Variants in BCL11A observed in about 807,000 individuals in gnomAD.
BCL11A encodes the protein B cell CLL/lymphoma 11A.
Under a neutral mutation model 55.9 loss-of-function variants are expected in BCL11A, and 2 were observed. That is an observed-to-expected ratio of 0.04 (90% confidence interval 0.01 to 0.11). The LOEUF (loss-of-function observed/expected upper bound fraction) is 0.11, where lower values mean the gene tolerates loss of function less well. Ranked by LOEUF, BCL11A falls within the 10% of genes least tolerant of loss-of-function variation. The pLI is 1.00. For synonymous variants in BCL11A, 465 were observed against 473.4 expected (o/e 0.98, Z 0.23); for missense variants, 817 against 1,137.1 (o/e 0.72, Z 4.05).
chr2:60,494,911 G>C lies in BCL11A; in HGVS notation c.386-26078C>G, dbSNP rs1477529026. On this transcript the variant is annotated intron_variant, in intron 2 of 3. Coordinates refer to ENST00000642384, the MANE Select transcript of BCL11A (RefSeq NM_022893.4). ...AAAAAGGAAAAGAATATGACGTCAG[G>C]GGGAGGCAAGTCAGTTGGGAACACA... Among the ~76,000 whole-genome samples, 3 of 152,112 alleles carry C rather than the reference G, an allele frequency of 2.0e-5. No homozygotes were observed. In the South Asian group the frequency reaches 6.2e-4, roughly 32 times the overall value.
At chr2:60,512,125 A>C (rs1680021372) in intron 2 of BCL11A, among the ~76,000 whole-genome samples, 1 of 152,250 alleles carries the variant, frequency 6.6e-6, no homozygotes, top group Non-Finnish European at 1.5e-5. Flanking sequence ...GCTAAGGAGC[A>C]CTGGAGCTGG....
At chr2:60,551,959 A>G (rs952101762) in intron 1 of BCL11A, among the ~76,000 whole-genome samples, 1 of 152,068 alleles carries the variant, frequency 6.6e-6, no homozygotes, top group Non-Finnish European at 1.5e-5. Flanking sequence ...CAGACACGAG[A>G]TTTTTCCCAA....
chr2:60,541,188 G>A (rs1296897698), intron 2 of BCL11A, among the ~76,000 whole-genome samples: 1 of 151,648 alleles, frequency 6.6e-6, no homozygotes, highest in Non-Finnish European at 1.5e-5. Flanking sequence ...CACACAGGAT[G>A]ATCTTCATAT....
intron 2 of BCL11A, among the ~76,000 whole-genome samples, chr2:60,504,188 A>G (rs1679444884): frequency 6.6e-6 from 1 of 152,214 alleles, no homozygotes; most frequent in Non-Finnish European, 1.5e-5. Flanking sequence ...GCCGGGCACA[A>G]GAGAGCAGGC....
intron 2 of BCL11A, among the ~76,000 whole-genome samples, chr2:60,488,689 T>C (rs1460941456): frequency 6.6e-6 from 1 of 152,230 alleles, no homozygotes; most frequent in Non-Finnish European, 1.5e-5. Context: ...TCAGTATCAA[T>C]AGCCAAAGAT....
chr2:60,505,770 T>C (rs1385188186), intron 2 of BCL11A, among the ~76,000 whole-genome samples: 1 of 152,236 alleles, frequency 6.6e-6, no homozygotes, highest in African/African-American at 2.4e-5. Flanking sequence ...GGGTCTATCA[T>C]TTTAGAATAA....
chr2:60,524,015 CA>C (rs139422069), intron 2 of BCL11A, among the ~76,000 whole-genome samples: 2,061 of 152,298 alleles, frequency 0.014, 48 homozygotes, highest in African/African-American at 0.046. Flanking sequence ...TCTCCATTAT[CA>C]GGGGTGCTTT....
chr2:60,504,996 G>T (rs1264880045), intron 2 of BCL11A, among the ~76,000 whole-genome samples: 4 of 152,120 alleles, frequency 2.6e-5, no homozygotes, highest in African/African-American at 7.2e-5. Context: ...AGGAGTTCTG[G>T]ATCAGAATCC....
At chr2:60,512,169 C>T (rs1034483988) in intron 2 of BCL11A, among the ~76,000 whole-genome samples, 1 of 152,208 alleles carries the variant, frequency 6.6e-6, no homozygotes, top group East Asian at 1.9e-4. Context: ...CTCACCACCC[C>T]TGGAGAGCAG....
In BCL11A at chr2:60,460,060, A is replaced by C; in HGVS notation, c.*344T>G. On this transcript the variant is annotated 3_prime_UTR_variant, in exon 4 of 4. Coordinates refer to ENST00000642384, the MANE Select transcript of BCL11A (RefSeq NM_022893.4). ...ACATGCTGTCTAAGTTTAAAAAAAA[A>C]CATACACAACATGTAAATTATTGCA... is the stretch of plus-strand genomic sequence containing the variant. The C allele has an allele frequency of 2.7e-6, 3 of 1,092,240 alleles. No homozygotes were observed. The highest frequency in any genetic ancestry group is 8.7e-5 in the South Asian group (2 of 23,062). 67.7% of individuals were successfully genotyped at this position (1,092,240 alleles called of 1,614,324 possible).
In BCL11A at chr2:60,460,778, C is replaced by T. The variant is rs1469923757; in HGVS notation, c.2134G>A (p.Gly712Arg). Residue 712 changes from glycine to arginine, a missense_variant, in exon 4 of 4, where the codon GGG becomes AGG. Gly to Arg is a moderately radical substitution (Grantham distance 125). Transcript: ENST00000642384. ...CCTCCACTTCCCGTGCCGCTGCGCC[C>T]CGAGATCCCTCCGTCCAGCTCCCCG... Reference protein sequence around the residue: ...PPGELDGGISGRSGTGSGGST... With the variant: ...PPGELDGGISRRSGTGSGGST... The T allele has an allele frequency of 6.2e-7, 1 of 1,613,416 alleles. No homozygotes were observed. The highest frequency in any genetic ancestry group is 1.7e-5 in the Admixed American group (1 of 60,032).
chr2:60,526,059 G>C (rs1193706481), intron 2 of BCL11A: 1 of 152,118 alleles, frequency 6.6e-6, no homozygotes, highest in Non-Finnish European at 1.5e-5. Context: ...AAAGAATGTG[G>C]TTTTTTTCTA....
At chr2:60,511,125 C>T (rs902743747) in intron 2 of BCL11A, among the ~76,000 whole-genome samples, 1 of 152,170 alleles carries the variant, frequency 6.6e-6, no homozygotes, top group African/African-American at 2.4e-5. Context: ...ACTGGCCAGG[C>T]ACAAATCCCA....
intron 2 of BCL11A, among the ~76,000 whole-genome samples, chr2:60,488,876 C>T (rs1179707348): frequency 1.3e-5 from 2 of 152,240 alleles, no homozygotes; most frequent in Non-Finnish European, 2.9e-5. Context: ...TCTCCTGCCT[C>T]AGCCTCCCAA....
At chr2:60,540,075 C>T (rs1669849768) in intron 2 of BCL11A, among the ~76,000 whole-genome samples, 1 of 152,130 alleles carries the variant, frequency 6.6e-6, no homozygotes, top group South Asian at 2.1e-4. Flanking sequence ...CAAATTGATA[C>T]ATAACATAAA....
chr2:60,487,247 T>A (rs912799881), intron 2 of BCL11A, among the ~76,000 whole-genome samples: 1 of 152,210 alleles, frequency 6.6e-6, no homozygotes, highest in East Asian at 1.9e-4. Context: ...CCCTAACCTA[T>A]ATTTTGCAAG....
At chr2:60,540,392 C>T (rs1467079294) in intron 2 of BCL11A, among the ~76,000 whole-genome samples, 3 of 152,144 alleles carry the variant, frequency 2.0e-5, no homozygotes, top group Non-Finnish European at 2.9e-5. Context: ...TGTGAACAGA[C>T]CAACCAAAGT....
At chr2:60,463,445 G>T (rs1676433537) in intron 3 of BCL11A, among the ~76,000 whole-genome samples, 1 of 152,194 alleles carries the variant, frequency 6.6e-6, no homozygotes, top group South Asian at 2.1e-4. Context: ...TGCGCCCTCG[G>T]CTGGGACTCA....
At chr2:60,545,869 G>T in intron 2 of BCL11A, 102 bp downstream of exon 2, 1 of 916,212 alleles carries the variant, frequency 1.1e-6, no homozygotes, top group Non-Finnish European at 1.7e-6. Context: ...GTCACATAGA[G>T]TAATAGAGAA....
Sources: allele counts gnomAD v4.1 joint callset (sites outside exome capture counted in the v4.1 genomes callset), GRCh38; gene constraint gnomAD v4.1.1; transcripts MANE v1.5; gene names NCBI Gene and HGNC (gene_info 2026-07-23, HGNC 2026-07-21).